DDX21: variants seen among roughly 807,000 people sequenced by gnomAD.
DDX21 encodes the protein nucleolar RNA helicase 2.
In DDX21, 18 loss-of-function variants were observed where a neutral mutation model predicts 90.0. That is an observed-to-expected ratio of 0.20 (90% CI 0.14 to 0.30). The LOEUF is 0.30. Ranked by LOEUF, DDX21 falls within the 10% of genes least tolerant of loss-of-function variation. DDX21 has a pLI of 1.00. For missense variants in DDX21, 673 were observed against 944.5 expected, an observed-to-expected ratio of 0.71 and a Z score of 3.77; for synonymous variants, 294 against 318.0, an observed-to-expected ratio of 0.92 and a Z score of 0.80.
At chr10:68,972,837 C>T (rs933203060) in intron 9 of DDX21, among the ~76,000 whole-genome samples, 1 of 152,124 alleles carries the variant, frequency 6.6e-6, no homozygotes, top group Non-Finnish European at 1.5e-5. Flanking sequence ...CGAAAAAATA[C>T]AAAATATTGC....
Position 68,970,290 on chromosome 10 carries a change from C to T in DDX21, c.1326C>T (p.Ile442=), listed in dbSNP as rs767819689. ...RVYSGHQGRT[I]IFCETKKEAQ... ...ATAGTGGTCATCAAGGACGCACTAT[C>T]ATCTTTTGTGAAACCAAGAAAGAAG... is the stretch of plus-strand genomic sequence containing the variant. Residue 442 remains isoleucine, a synonymous_variant, in exon 8 of 15, where the codon ATC becomes ATT. Transcript: ENST00000354185. 1.2e-6 allele frequency: 2 copies of T among 1,614,064 alleles called. No homozygotes were observed. Among genetic ancestry groups the T allele is most frequent in the South Asian group, 1.1e-5 (1 of 91,078 alleles).
chr10:68,956,807 C>A, intron 1 of DDX21: 3 of 954,832 alleles, frequency 3.1e-6, no homozygotes, highest in Non-Finnish European at 3.8e-6. Flanking sequence ...CTTTGGGAGG[C>A]CGAGGCGGGC....
Position 68,973,672 on chromosome 10 carries a change from T to A in DDX21, c.1668+8T>A. ...CAAGTGGAGCAAAAAGCGGTAAAAC[T>A]ATTCTTACCTTTCATTAAGCAAATG... On this transcript the variant is annotated splice_region_variant and intron_variant, in intron 10 of 14. Transcript: ENST00000354185. 2 of 1,607,930 alleles carry A rather than the reference T, an allele frequency of 1.2e-6. No homozygotes were observed. The highest frequency in any genetic ancestry group is 1.1e-5 in the South Asian group (1 of 90,012).
intron 13 of DDX21, 55 bp downstream of exon 13, chr10:68,979,031 CAG>C (rs1473830440): frequency 6.7e-5 from 108 of 1,607,898 alleles, no homozygotes; most frequent in Non-Finnish European, 8.8e-5. Context: ...GGCAGGAAAA[CAG>C]TGTGGTGTGG....
In DDX21 at chr10:68,974,670, G is replaced by T; in HGVS notation, c.1669G>T (p.Gly557Ter). ...YQLVQVEQKA[G>*]IKFKRIGVPS... ...TAAACTGTGGTTCATTTTCCTGTAG[G>T]GAATTAAGTTCAAACGAATAGGTGT... is the stretch of plus-strand genomic sequence containing the variant. The change falls in exon 11 of 15, where the codon GGA becomes TGA. Residue 557 changes from glycine (G) to a stop codon, truncating the protein, a stop_gained and splice_region_variant. Coordinates refer to ENST00000354185, the MANE Select transcript of DDX21 (RefSeq NM_004728.4). LOFTEE classifies it high-confidence loss of function. 6.2e-7 allele frequency: 1 copy of T among 1,613,484 alleles called. No individual in the cohort carries two copies. The highest frequency in any genetic ancestry group is 8.5e-7 in the Non-Finnish European group (1 of 1,179,664).
At chr10:68,958,445 AT>A (rs67989966) in intron 1 of DDX21, among the ~76,000 whole-genome samples, 67,695 of 148,772 alleles carry the variant, frequency 0.46, 15,457 homozygotes, top group Non-Finnish European at 0.49. Flanking sequence ...TAAAAAAAAA[AT>A]TTTTTTTTTT....
intron 6 of DDX21, 61 bp from the exon 7 acceptor site, chr10:68,968,915 G>C: frequency 6.4e-7 from 1 of 1,568,450 alleles, no homozygotes; most frequent in Non-Finnish European, 8.7e-7. Context: ...AGGTTAGGTG[G>C]AATACTATGT....
chr10:68,978,425 CAT>C (rs910828473), intron 12 of DDX21, among the ~76,000 whole-genome samples: 7 of 152,172 alleles, frequency 4.6e-5, no homozygotes, highest in African/African-American at 9.7e-5. Flanking sequence ...GTAGCCCAAA[CAT>C]ATATATGCGC....
intron 12 of DDX21, among the ~76,000 whole-genome samples, chr10:68,977,976 C>T (rs1843128651): frequency 6.6e-6 from 1 of 151,442 alleles, no homozygotes; most frequent in Non-Finnish European, 1.5e-5. Flanking sequence ...ATTAGCTGGG[C>T]GTGGTGACAT....
intron 6 of DDX21, among the ~76,000 whole-genome samples, chr10:68,967,497 A>T (rs1195628995): frequency 6.6e-6 from 1 of 152,102 alleles, no homozygotes; most frequent in Non-Finnish European, 1.5e-5. Flanking sequence ...CTAAGAGATT[A>T]ATAAAGCCTT....
intron 1 of DDX21, among the ~76,000 whole-genome samples, chr10:68,957,139 A>ACT (rs1842809949): frequency 6.6e-6 from 1 of 152,006 alleles, no homozygotes; most frequent in African/African-American, 2.4e-5. Context: ...GACTTTTTAA[A>ACT]CTCTCGTAAG....
chr10:68,978,329 C>T (rs1419089673), intron 12 of DDX21, among the ~76,000 whole-genome samples: 1 of 152,038 alleles, frequency 6.6e-6, no homozygotes, highest in Non-Finnish European at 1.5e-5. Flanking sequence ...TACAAATATA[C>T]TAAAACAAAC....
chr10:68,981,402 C>A, intron 13 of DDX21, 135 bp from the exon 14 acceptor site: 1 of 757,446 alleles, frequency 1.3e-6, no homozygotes, highest in South Asian at 1.6e-5. Flanking sequence ...GTCTAAAGTT[C>A]ATCTAAAATT....
chr10:68,973,802 T>C (rs1484767676), intron 10 of DDX21, 138 bp downstream of exon 10: 5 of 1,144,678 alleles, frequency 4.4e-6, no homozygotes, highest in Non-Finnish European at 5.9e-6. Context: ...TAGGTACATA[T>C]GTTGTCCTGT....
At chr10:68,963,514 C>T (rs1842900102) in intron 4 of DDX21, 45 bp downstream of exon 4, 1 of 1,550,598 alleles carries the variant, frequency 6.4e-7, no homozygotes, top group Non-Finnish European at 8.7e-7. Flanking sequence ...ATAGGAAAAA[C>T]CACCACTTGG....
chr10:68,968,298 C>T (rs1842969513), intron 6 of DDX21, among the ~76,000 whole-genome samples: 1 of 148,938 alleles, frequency 6.7e-6, no homozygotes, highest in Non-Finnish European at 1.5e-5. Flanking sequence ...GGGCTACAGG[C>T]GTGCGCCACC....
At chr10:68,960,474 T>G (rs1432561385) in intron 2 of DDX21, among the ~76,000 whole-genome samples, 1 of 135,114 alleles carries the variant, frequency 7.4e-6, no homozygotes, top group African/African-American at 2.6e-5. Flanking sequence ...ATTTTTTTAT[T>G]TTTTTGAGAC....
chr10:68,969,360 A>G (rs768332565), intron 7 of DDX21, among the ~76,000 whole-genome samples: 5 of 152,000 alleles, frequency 3.3e-5, no homozygotes, highest in Non-Finnish European at 5.9e-5. Flanking sequence ...GTTCACTGCA[A>G]CCTCCACCTC....
At position 68,977,669 on chromosome 10, in the gene DDX21, C is replaced by T; in HGVS notation, c.1883C>T (p.Ser628Phe). ...ISGATSVDQR[S>F]LINSNVGFVT... ...GGTGCCACGTCCGTAGACCAGCGCT[C>T]CTTGATCAACTCAAATGTGGTAAGG... Residue 628 changes from serine (S) to phenylalanine (F), a missense_variant, in exon 12 of 15, where the codon TCC becomes TTC. Ser to Phe is a radical substitution (Grantham distance 155, BLOSUM62 -2). Transcript: ENST00000354185. 6.2e-7 allele frequency: 1 copy of T among 1,612,166 alleles called. No individual in the cohort carries two copies. The highest frequency in any genetic ancestry group is 8.5e-7 in the Non-Finnish European group (1 of 1,178,754).
Sources: allele counts gnomAD v4.1 joint callset (sites outside exome capture counted in the v4.1 genomes callset), GRCh38; gene constraint gnomAD v4.1.1; transcripts MANE v1.5; gene names NCBI Gene and HGNC (gene_info 2026-07-23, HGNC 2026-07-21).